The following BPTF variants were observed in gnomAD, a reference collection of about 807,000 sequenced individuals.
The protein encoded by BPTF is bromodomain PHD finger transcription factor.
BPTF carries 18 observed loss-of-function variants against 292.5 expected under a neutral mutation model. That is an observed-to-expected ratio of 0.06 (90% CI 0.04 to 0.09). The LOEUF (loss-of-function observed/expected upper bound fraction) is 0.09, where lower values mean the gene tolerates loss of function less well. Ranked by LOEUF, BPTF falls within the 10% of genes least tolerant of loss-of-function variation. The pLI is 1.00. For synonymous variants in BPTF, 1,225 were observed against 1,251.9 expected, an observed-to-expected ratio of 0.98 and a Z score of 0.45; for missense variants, 2,726 against 3,498.7, an observed-to-expected ratio of 0.78 and a Z score of 5.57.
intron 11 of BPTF, among the ~76,000 whole-genome samples, chr17:67,917,951 A>G (rs771931849): frequency 2.0e-4 from 31 of 152,136 alleles, no homozygotes; most frequent in Non-Finnish European, 4.0e-4. Context: ...AGCTGGGACT[A>G]CAGGCACCCA....
At position 67,921,149 on chromosome 17, in the gene BPTF, G is replaced by A. The variant is rs182079710; in HGVS notation, c.5557+1006G>A. 2.4e-3 allele frequency among the ~76,000 whole-genome samples: 339 copies of A among 144,042 alleles called. 1 individual carries two copies. The highest frequency in any genetic ancestry group is 8.3e-3 in the African/African-American group (322 of 39,030). The allele number at this position is 144,042 out of a possible 152,430, so 94.5% of individuals were successfully genotyped here. On this transcript the variant is annotated intron_variant, in intron 13 of 27. Transcript: ENST00000306378. ...TGCTTGAGCCTGGGAAGTGGAGGTT[G>A]CAGTGAGCTGAGATCACACCACTGC...
At chr17:67,952,540 G>A (rs1555678927) in intron 23 of BPTF, among the ~76,000 whole-genome samples, 1 of 152,090 alleles carries the variant, frequency 6.6e-6, no homozygotes, top group Non-Finnish European at 1.5e-5. Context: ...TGGGATTCCA[G>A]GCGTGAGCCA....
At position 67,911,191 on chromosome 17, in the gene BPTF, T is replaced by C; in HGVS notation, c.3307T>C (p.Ser1103Pro). The C allele has an allele frequency of 6.2e-7, 1 of 1,613,748 alleles. No homozygotes were observed. The highest frequency in any genetic ancestry group is 8.5e-7 in the Non-Finnish European group (1 of 1,179,930). Reference sequence around the variant, plus strand: ...TTCTACAAATTCTTCAAAAAATCTCTCTGAATCACCAGTAATAACGAAAGC... The same window carrying C: ...TTCTACAAATTCTTCAAAAAATCTCCCTGAATCACCAGTAATAACGAAAGC... ...KTSTNSSKNL[S>P]ESPVITKAKE... The change falls in exon 11 of 28, where the codon TCT becomes CCT. Residue 1103 changes from serine to proline, a missense_variant. This residue lies in a region of BPTF where 713 missense variants were observed against 714.9 expected (regional missense o/e 1.00). Transcript: ENST00000306378.
chr17:67,905,891 G>C (rs1459966796), intron 9 of BPTF, among the ~76,000 whole-genome samples: 2 of 152,020 alleles, frequency 1.3e-5, no homozygotes, highest in Non-Finnish European at 2.9e-5. Context: ...TCACACACCG[G>C]GGCCTGTCGT....
chr17:67,971,827 CAA>C (rs575119720), intron 26 of BPTF, among the ~76,000 whole-genome samples: 13 of 83,332 alleles, frequency 1.6e-4, no homozygotes, highest in Non-Finnish European at 1.7e-4. Flanking sequence ...GACTCCATCT[CAA>C]AAAAAAAAAA....
Position 67,868,966 on chromosome 17 carries a change from G to C in BPTF, c.1660+2279G>C, listed in dbSNP as rs557005607. ...AGTATTTCTCTATTAGATCTGTTTA[G>C]AAAAATGTGTAATTTTTTTATTAGA... On this transcript the variant is annotated intron_variant, in intron 3 of 27. Coordinates refer to ENST00000306378, the MANE Select transcript of BPTF (RefSeq NM_182641.4). 7.9e-5 allele frequency among the ~76,000 whole-genome samples: 12 copies of C among 152,226 alleles called. No homozygotes were observed. The South Asian group carries it at 2.5e-3, about 32-fold the overall frequency.
chr17:67,958,858 T>C (rs1054542139), intron 23 of BPTF, among the ~76,000 whole-genome samples: 1 of 152,152 alleles, frequency 6.6e-6, no homozygotes, highest in African/African-American at 2.4e-5. Context: ...TCCCAGCTAC[T>C]TGGGAGGCTG....
intron 7 of BPTF, among the ~76,000 whole-genome samples, chr17:67,896,484 A>T (rs1418230765): frequency 6.6e-6 from 1 of 151,274 alleles, no homozygotes; most frequent in Non-Finnish European, 1.5e-5. Context: ...CCCAGTGCAC[A>T]TAGACCCCTT....
chr17:67,917,037 T>C (rs2063053719), intron 11 of BPTF, among the ~76,000 whole-genome samples: 1 of 151,956 alleles, frequency 6.6e-6, no homozygotes, highest in Non-Finnish European at 1.5e-5. Flanking sequence ...TTTAAGAATG[T>C]GTAAAACGTT....
At chr17:67,963,843 A>G (rs1287629747) in intron 24 of BPTF, among the ~76,000 whole-genome samples, 3 of 152,192 alleles carry the variant, frequency 2.0e-5, no homozygotes, top group Non-Finnish European at 2.9e-5. Context: ...GGTTAGAAAA[A>G]CACTAATTTG....
intron 3 of BPTF, among the ~76,000 whole-genome samples, chr17:67,870,766 C>CTTTTTTTTTTT (rs11418428): frequency 2.8e-5 from 3 of 106,378 alleles, no homozygotes; most frequent in Admixed American, 1.3e-4. Flanking sequence ...TGCTTCATTT[C>CTTTTTTTTTTT]TTTTTTTTTT....
Position 67,912,133 on chromosome 17 carries a change from T to A in BPTF, c.4249T>A (p.Tyr1417Asn), listed in dbSNP as rs368920109. 1 of 1,610,880 alleles carries A rather than the reference T, an allele frequency of 6.2e-7. No individual in the cohort carries two copies. Among genetic ancestry groups the A allele is most frequent in the East Asian group, 2.2e-5 (1 of 44,862 alleles). The change falls in exon 11 of 28, where the codon TAT becomes AAT. Residue 1417 changes from tyrosine to asparagine, a missense_variant. Tyr to Asn is a moderately radical substitution (Grantham distance 143). Transcript: ENST00000306378. ...TGGAAAAGATAATAAACCCAAAATA[T>A]ATTTGAAAGGTGAATGCTTGAAAGA... ...INGKDNKPKI[Y>N]LKGECLKEIS...
chr17:67,864,630 T>C lies in BPTF; in HGVS notation c.1437-1834T>C, dbSNP rs1598320829. On this transcript the variant is annotated intron_variant, in intron 2 of 27. Transcript: ENST00000306378. Reference sequence around the variant, plus strand: ...AATGGATTAGCAGGTATTCACTGTTTTGCTGCTTTATGCTTTAATGAATTT... The same window carrying C: ...AATGGATTAGCAGGTATTCACTGTTCTGCTGCTTTATGCTTTAATGAATTT... Among the ~76,000 whole-genome samples, 4 of 152,200 alleles carry C rather than the reference T, an allele frequency of 2.6e-5. 1 individual carries two copies. The East Asian group carries it at 7.7e-4, about 29-fold the overall frequency.
chr17:67,918,808 G>C lies in BPTF; in HGVS notation c.5398G>C (p.Ala1800Pro), dbSNP rs142531732. 1.9e-6 allele frequency: 3 copies of C among 1,613,662 alleles called. No homozygotes were observed. Among genetic ancestry groups the C allele is most frequent in the Middle Eastern group, 1.7e-4 (1 of 6,058 alleles). Residue 1800 changes from alanine to proline, a missense_variant, in exon 12 of 28, where the codon GCT (alanine) becomes CCT (proline). Ala to Pro is a conservative substitution (Grantham distance 27). Transcript: ENST00000306378. ...SLRWDDMAAKAPPGGGTTRTE... is the reference protein window; with the variant it reads ...SLRWDDMAAKPPPGGGTTRTE... ...GAGATGGGATGATATGGCGGCCAAG[G>C]CTCCTCCAGGAGGAGGGACTACACG...
chr17:67,843,204 G>A (rs185075474), intron 1 of BPTF, among the ~76,000 whole-genome samples: 7 of 125,764 alleles, frequency 5.6e-5, no homozygotes, highest in Admixed American at 1.7e-4. Context: ...CTACATACAT[G>A]TAGATGTATG....
chr17:67,963,314 T>C, intron 24 of BPTF: 1 of 1,512,230 alleles, frequency 6.6e-7, no homozygotes. Context: ...ATTGTCATTT[T>C]CATTGTGAAT....
intron 4 of BPTF, among the ~76,000 whole-genome samples, chr17:67,888,577 G>A (rs1181300507): frequency 1.6e-5 from 2 of 121,574 alleles, no homozygotes; most frequent in Non-Finnish European, 3.2e-5. Flanking sequence ...GTGACAGAAC[G>A]AGACTCCGTC....
chr17:67,918,185 C>T (rs2147120175), intron 11 of BPTF, among the ~76,000 whole-genome samples: 1 of 152,318 alleles, frequency 6.6e-6, no homozygotes, highest in East Asian at 1.9e-4. Flanking sequence ...ATCTGCCCAC[C>T]TCGGCCTCCC....
chr17:67,888,643 A>T (rs1336557153), intron 4 of BPTF, among the ~76,000 whole-genome samples: 1 of 151,302 alleles, frequency 6.6e-6, no homozygotes, highest in East Asian at 1.9e-4. Flanking sequence ...GAGGTGGCTT[A>T]TCTTGATCTC....
Sources: allele counts gnomAD v4.1 joint callset (sites outside exome capture counted in the v4.1 genomes callset), GRCh38; gene constraint gnomAD v4.1.1; regional missense constraint gnomAD v4.1.1; transcripts MANE v1.5; gene names NCBI Gene and HGNC (gene_info 2026-07-23, HGNC 2026-07-21).